Variants in GSDMB observed in about 807,000 individuals in gnomAD.
The protein encoded by GSDMB is gasdermin-B.
A neutral mutation model predicts 42.9 loss-of-function variants in GSDMB; 32 were observed. The observed-to-expected ratio is 0.75, with a 90% CI of 0.56 to 1.00. The LOEUF (loss-of-function observed/expected upper bound fraction) is 1.00, where lower values mean the gene tolerates loss of function less well. Ranked by LOEUF, GSDMB falls within the 50% of genes least tolerant of loss-of-function variation. The pLI is 0.00. For synonymous variants in GSDMB, 175 were observed against 193.7 expected (o/e 0.90, Z 0.80); for missense variants, 468 against 498.5 (o/e 0.94, Z 0.58).
Position 39,911,281 on chromosome 17 carries a change from C to G in GSDMB, c.407+1045G>C, listed in dbSNP as rs2063602443. Among the ~76,000 whole-genome samples the G allele has an allele frequency of 7.0e-5, 10 of 142,828 alleles. No homozygotes were observed. The South Asian group carries it at 2.2e-3, about 31-fold the overall frequency. The allele number at this position is 142,828 out of a possible 152,430, so 93.7% of individuals were successfully genotyped here. A position where few individuals can be genotyped will look rare whatever the true frequency, so the allele number is the denominator to read the frequency against. Reference sequence around the variant, plus strand: ...GAGGTTGCAGTGAGCCAAGAATGTACCATTGCACTCCAGCCTGGGCAACAA... The same window carrying G: ...GAGGTTGCAGTGAGCCAAGAATGTAGCATTGCACTCCAGCCTGGGCAACAA... On this transcript the variant is annotated intron_variant, in intron 3 of 10. Transcript: ENST00000418519.
At chr17:39,905,289 A>G (rs527545340) in intron 10 of GSDMB, 137 bp downstream of exon 10, 1 of 659,612 alleles carries the variant, frequency 1.5e-6, no homozygotes, top group Admixed American at 2.8e-5. Flanking sequence ...GGGAATTGTC[A>G]CAAACCAGCT....
intron 5 of GSDMB, 34 bp downstream of exon 5, chr17:39,908,923 GC>G (rs377638926): frequency 2.3e-6 from 3 of 1,326,846 alleles, no homozygotes; most frequent in East Asian, 2.3e-5. Flanking sequence ...TGTGTTTAGG[GC>G]CCCCCATCCT....
At chr17:39,913,620 T>C (rs922510024) in intron 2 of GSDMB, among the ~76,000 whole-genome samples, 6 of 152,144 alleles carry the variant, frequency 3.9e-5, no homozygotes, top group Admixed American at 6.5e-5. Context: ...CCATCTCCAA[T>C]AAAAGCAGTT....
chr17:39,917,593 G>A (rs371734430), intron 1 of GSDMB: 2 of 303,466 alleles, frequency 6.6e-6, no homozygotes, highest in African/African-American at 3.3e-5. Context: ...CCCCGCCGCC[G>A]CCCTTAAGAA....
chr17:39,910,185 C>T (rs1156755059), intron 3 of GSDMB, among the ~76,000 whole-genome samples: 1 of 152,084 alleles, frequency 6.6e-6, no homozygotes, highest in Non-Finnish European at 1.5e-5. Context: ...GTGAGTGGAT[C>T]ACCAGGCACA....
At chr17:39,911,511 C>G (rs767162091) in intron 3 of GSDMB, among the ~76,000 whole-genome samples, 5 of 152,046 alleles carry the variant, frequency 3.3e-5, no homozygotes, top group Non-Finnish European at 7.4e-5. Flanking sequence ...TTGGAAGCAC[C>G]TGCCCACCAG....
At chr17:39,905,314 C>T (rs2063484240) in intron 10 of GSDMB, 112 bp downstream of exon 10, 3 of 728,564 alleles carry the variant, frequency 4.1e-6, no homozygotes, top group Non-Finnish European at 7.0e-6. Flanking sequence ...GGATGTGAGC[C>T]GGCAGAAAAC....
chr17:39,912,807 A>AT (rs2063636069), intron 2 of GSDMB, among the ~76,000 whole-genome samples: 1 of 152,196 alleles, frequency 6.6e-6, no homozygotes, highest in Non-Finnish European at 1.5e-5. Flanking sequence ...TCTACTTCCT[A>AT]TATTTAGGGA....
Position 39,917,162 on chromosome 17 carries a change from T to A in GSDMB, c.155A>T (p.Tyr52Phe). 1 of 1,614,146 alleles carries A rather than the reference T, an allele frequency of 6.2e-7. No individual in the cohort carries two copies. Among genetic ancestry groups the A allele is most frequent in the Non-Finnish European group, 8.5e-7 (1 of 1,180,008 alleles). ...GTCCATCAGGGTGAGGCCTGTTGTG[T>A]AGTGCCGGCATCCAAAGAAAGTTCT... The part of the protein sequence containing the change: ...EKRTFFGCRH[Y>F]TTGLTLMDIL... Residue 52 changes from tyrosine to phenylalanine, a missense_variant, in exon 2 of 11, where the codon TAC becomes TTC. Physicochemically the swap from Tyr to Phe is conservative, Grantham distance 22. Coordinates refer to ENST00000418519, the MANE Select transcript of GSDMB (RefSeq NM_001165958.2).
Position 39,906,204 on chromosome 17 carries a change from G to C in GSDMB, c.795C>G (p.Leu265=). Residue 265 remains leucine, a synonymous_variant, in exon 8 of 11, where the codon CTC becomes CTG. Transcript: ENST00000418519. ...TTCTCTTCTCCTCTGTCAGGTCCTT[G>C]AGGACACTCTCCATGTCCTCCAACT... ...KEKLEDMESV[L]KDLTEEKRKD... The C allele has an allele frequency of 6.2e-7, 1 of 1,614,026 alleles. No individual in the cohort carries two copies. The highest frequency in any genetic ancestry group is 8.5e-7 in the Non-Finnish European group (1 of 1,179,908).
chr17:39,916,406 C>G (rs1431625605), intron 2 of GSDMB, among the ~76,000 whole-genome samples: 1 of 151,620 alleles, frequency 6.6e-6, no homozygotes, highest in Non-Finnish European at 1.5e-5. Context: ...CCTCAGCCTC[C>G]TGAGTAGCCA....
At chr17:39,915,626 T>C (rs547330997) in intron 2 of GSDMB, among the ~76,000 whole-genome samples, 5 of 151,046 alleles carry the variant, frequency 3.3e-5, no homozygotes, top group African/African-American at 9.8e-5. Context: ...TTTTGAGAGC[T>C]GACTTTTAGC....
chr17:39,910,803 C>T lies in GSDMB; in HGVS notation c.408-879G>A, dbSNP rs147435470. On this transcript the variant is annotated intron_variant, in intron 3 of 10. Transcript: ENST00000418519. ...CCCTCAAGACATGGGTCCCTGCCTCCGATGACTTTCCCCTACCTATCCAGT... is the reference window on the plus strand; with the variant it reads ...CCCTCAAGACATGGGTCCCTGCCTCTGATGACTTTCCCCTACCTATCCAGT... Among the ~76,000 whole-genome samples the T allele has an allele frequency of 5.7e-3, 875 of 152,252 alleles. 5 individuals are homozygous for T. Among genetic ancestry groups the T allele is most frequent in the African/African-American group, 0.02 (833 of 41,540 alleles).
chr17:39,908,659 C>T (rs1268881752), intron 5 of GSDMB, among the ~76,000 whole-genome samples: 6 of 152,138 alleles, frequency 3.9e-5, no homozygotes, highest in Non-Finnish European at 8.8e-5. Context: ...GGATTACAGG[C>T]GTGAGCCACC....
chr17:39,912,536 C>T (rs2063631368), intron 2 of GSDMB, 39 bp from the exon 3 acceptor site: 1 of 1,524,116 alleles, frequency 6.6e-7, no homozygotes, highest in Non-Finnish European at 9.1e-7. Context: ...GGAGCAGACC[C>T]CCAAAAGATC....
intron 4 of GSDMB, 86 bp downstream of exon 4, chr17:39,909,666 TGAAG>T: frequency 8.5e-7 from 1 of 1,171,960 alleles, no homozygotes; most frequent in African/African-American, 1.5e-5. Context: ...CGGAGAGGAG[TGAAG>T]GAAGAGTCTA....
At chr17:39,906,474 TCCCCAGCTCAC>T in intron 7 of GSDMB, 1 of 1,061,140 alleles carries the variant, frequency 9.4e-7, no homozygotes, top group African/African-American at 1.6e-5. Context: ...ATCTTCCATC[TCCCCAGCTCAC>T]CCCCAGTCTA....
intron 10 of GSDMB, 121 bp downstream of exon 10, chr17:39,905,305 G>T: frequency 1.4e-6 from 1 of 696,680 alleles, no homozygotes; most frequent in Non-Finnish European, 2.5e-6. Flanking sequence ...CAGCTGCATG[G>T]ATGTGAGCCG....
chr17:39,915,662 T>A (rs2063697458), intron 2 of GSDMB, among the ~76,000 whole-genome samples: 1 of 152,054 alleles, frequency 6.6e-6, no homozygotes, highest in African/African-American at 2.4e-5. Context: ...AATTTACTTT[T>A]CAGAGAATTG....
Sources: allele counts gnomAD v4.1 joint callset (sites outside exome capture counted in the v4.1 genomes callset), GRCh38; gene constraint gnomAD v4.1.1; transcripts MANE v1.5; gene names NCBI Gene and HGNC (gene_info 2026-07-23, HGNC 2026-07-21).